PLXDC2: variants seen among roughly 807,000 people sequenced by gnomAD.
The protein encoded by PLXDC2 is plexin domain-containing protein 2.
PLXDC2 carries 40 observed loss-of-function variants against 68.9 expected under a neutral mutation model. The observed-to-expected ratio is 0.58, with a 90% CI of 0.45 to 0.76. PLXDC2 has a LOEUF of 0.76. Ranked by LOEUF, PLXDC2 falls within the 30% of genes least tolerant of loss-of-function variation. The pLI, the probability that PLXDC2 is intolerant of heterozygous loss-of-function variation, is 0.00. For synonymous variants in PLXDC2, 243 were observed against 234.2 expected, an observed-to-expected ratio of 1.04 and a Z score of -0.34; for missense variants, 644 against 661.9, an observed-to-expected ratio of 0.97 and a Z score of 0.30.
intron 1 of PLXDC2, among the ~76,000 whole-genome samples, chr10:19,853,097 G>A (rs1020155018): frequency 1.3e-5 from 2 of 152,180 alleles, no homozygotes; most frequent in Admixed American, 1.3e-4. Flanking sequence ...TACAGATAAA[G>A]ATAATACAGA....
intron 2 of PLXDC2, among the ~76,000 whole-genome samples, chr10:20,041,027 T>A (rs1342126154): frequency 6.6e-6 from 1 of 152,250 alleles, no homozygotes; most frequent in East Asian, 1.9e-4. Flanking sequence ...ACCATAATAA[T>A]GAAATGGTCA....
At chr10:20,223,948 G>C (rs1484871474) in intron 12 of PLXDC2, among the ~76,000 whole-genome samples, 1 of 150,436 alleles carries the variant, frequency 6.6e-6, no homozygotes, top group Non-Finnish European at 1.5e-5. Flanking sequence ...TCACCTGTAA[G>C]AGGTACCTAA....
At chr10:20,020,608 T>C (rs1835291702) in intron 2 of PLXDC2, among the ~76,000 whole-genome samples, 1 of 152,146 alleles carries the variant, frequency 6.6e-6, no homozygotes, top group African/African-American at 2.4e-5. Context: ...TGTATCTCCG[T>C]TCATGATCTA....
intron 1 of PLXDC2, among the ~76,000 whole-genome samples, chr10:19,984,010 G>A (rs561705590): frequency 7.5e-4 from 114 of 152,346 alleles, no homozygotes; most frequent in Non-Finnish European, 1.3e-3. Context: ...ATGTGTTACT[G>A]AGACTTGGTC....
At chr10:19,847,615 A>G (rs1837034367) in intron 1 of PLXDC2, among the ~76,000 whole-genome samples, 1 of 152,118 alleles carries the variant, frequency 6.6e-6, no homozygotes, top group Non-Finnish European at 1.5e-5. Context: ...TTCCATACAC[A>G]TTTAAGTTTG....
intron 4 of PLXDC2, among the ~76,000 whole-genome samples, chr10:20,139,318 T>C (rs1404698240): frequency 6.6e-6 from 1 of 152,232 alleles, no homozygotes; most frequent in African/African-American, 2.4e-5. Context: ...TTTGCTTCTC[T>C]TACTTGATTC....
At chr10:20,009,837 A>G (rs1490003327) in intron 2 of PLXDC2, among the ~76,000 whole-genome samples, 2 of 151,416 alleles carry the variant, frequency 1.3e-5, no homozygotes, top group African/African-American at 4.9e-5. Context: ...GTACTTGGAA[A>G]CTGCTATACA....
chr10:19,818,427 T>G (rs1589481911), intron 1 of PLXDC2, among the ~76,000 whole-genome samples: 1 of 152,072 alleles, frequency 6.6e-6, no homozygotes, highest in East Asian at 1.9e-4. Flanking sequence ...AAGCCGCGAC[T>G]TAGAAGACAG....
At chr10:20,002,052 T>G (rs1589579515) in intron 2 of PLXDC2, 66 bp downstream of exon 2, 1 of 1,465,688 alleles carries the variant, frequency 6.8e-7, no homozygotes, top group African/African-American at 1.4e-5. Context: ...GCCCAACTTT[T>G]ATATAGACAT....
At chr10:20,087,959 AACT>A (rs1833223281) in intron 4 of PLXDC2, among the ~76,000 whole-genome samples, 1 of 152,222 alleles carries the variant, frequency 6.6e-6, no homozygotes, top group African/African-American at 2.4e-5. Context: ...TTCATGCCTT[AACT>A]TGAACGCTAA....
chr10:20,072,284 C>T (rs779669618), intron 4 of PLXDC2, among the ~76,000 whole-genome samples: 4 of 151,366 alleles, frequency 2.6e-5, no homozygotes, highest in Non-Finnish European at 4.4e-5. Flanking sequence ...ACAGGAGAAT[C>T]GCTTGAACGC....
intron 1 of PLXDC2, among the ~76,000 whole-genome samples, chr10:19,909,964 C>T (rs1254236385): frequency 6.6e-6 from 1 of 152,178 alleles, no homozygotes; most frequent in African/African-American, 2.4e-5. Flanking sequence ...TCTACTTGCA[C>T]GTATTTTGGG....
At chr10:20,254,452 A>G (rs1389042643) in intron 13 of PLXDC2, among the ~76,000 whole-genome samples, 3 of 152,202 alleles carry the variant, frequency 2.0e-5, no homozygotes, top group Admixed American at 6.5e-5. Context: ...TAGAACCACA[A>G]ATCTTTTTTT....
At chr10:19,985,992 A>G (rs568500434) in intron 1 of PLXDC2, among the ~76,000 whole-genome samples, 68 of 152,292 alleles carry the variant, frequency 4.5e-4, no homozygotes, top group African/African-American at 1.6e-3. Context: ...TAGAAGGCTA[A>G]TTCTTGCTGG....
chr10:20,240,926 G>C (rs536062045), intron 12 of PLXDC2, among the ~76,000 whole-genome samples: 90 of 152,208 alleles, frequency 5.9e-4, no homozygotes, highest in Middle Eastern at 3.4e-3. Context: ...AACACATCAA[G>C]TCATGTCATA....
intron 7 of PLXDC2, among the ~76,000 whole-genome samples, chr10:20,173,952 G>A (rs781466525): frequency 1.2e-4 from 19 of 152,254 alleles, no homozygotes; most frequent in Non-Finnish European, 1.8e-4. Context: ...TCAATAGTTA[G>A]AGGTTTCTGA....
intron 1 of PLXDC2, among the ~76,000 whole-genome samples, chr10:19,845,383 T>A (rs1836989187): frequency 6.6e-6 from 1 of 152,154 alleles, no homozygotes; most frequent in African/African-American, 2.4e-5. Context: ...AGTGTCACGT[T>A]AAGCCTGTGC....
rs56922353 is a variant in PLXDC2 at position 19,962,989 on chromosome 10, C to CAA, written c.113-38766_113-38765dup. 5.2e-3 allele frequency among the ~76,000 whole-genome samples: 456 copies of CAA among 88,140 alleles called. 5 individuals carry two copies. Among genetic ancestry groups the CAA allele is most frequent in the African/African-American group, 0.015 (315 of 21,602 alleles). The allele number at this position is 88,140 out of a possible 152,430, so 57.8% of individuals were successfully genotyped here. ...TGGGCGACAGAGCGAGACTACGTCT[C>CAA]AAAAAAAAAAAAAAAAAAAAAGTTT... On this transcript the variant is annotated intron_variant, in intron 1 of 13. Transcript: ENST00000377252.
chr10:19,941,507 G>A (rs1833817711), intron 1 of PLXDC2, among the ~76,000 whole-genome samples: 1 of 152,194 alleles, frequency 6.6e-6, no homozygotes, highest in African/African-American at 2.4e-5. Context: ...AGGTCTGGGT[G>A]CAGTCACTTG....
Sources: gnomAD v4.1 joint callset for allele counts (sites outside exome capture counted in the v4.1 genomes callset) on GRCh38, gnomAD v4.1.1 for gene constraint, MANE v1.5 for transcripts, NCBI Gene and HGNC (gene_info 2026-07-23, HGNC 2026-07-21) for gene names.